Variants in ARIH2 observed in about 807,000 individuals in gnomAD.
The protein encoded by ARIH2 is ariadne RBR E3 ubiquitin protein ligase 2.
In ARIH2, 12 loss-of-function variants were observed where a neutral mutation model predicts 79.8. The ratio of observed to expected loss-of-function variants is 0.15; its 90% CI spans 0.10 to 0.24. The LOEUF (loss-of-function observed/expected upper bound fraction) is 0.24. ARIH2 is among the 10% of genes least tolerant of loss of function. ARIH2 has a pLI of 1.00. For synonymous variants in ARIH2, 224 were observed against 213.9 expected, an observed-to-expected ratio of 1.05 and a Z score of -0.41; for missense variants, 301 against 618.3, an observed-to-expected ratio of 0.49 and a Z score of 5.44.
intron 3 of ARIH2, among the ~76,000 whole-genome samples, chr3:48,956,162 G>A (rs1388220405): frequency 6.7e-6 from 1 of 149,544 alleles, no homozygotes; most frequent in African/African-American, 2.5e-5. Flanking sequence ...TTTTTGAGAC[G>A]GAGTCTCACT....
At chr3:48,957,947 C>G (rs888916647) in intron 3 of ARIH2, among the ~76,000 whole-genome samples, 13 of 152,154 alleles carry the variant, frequency 8.5e-5, no homozygotes, top group Non-Finnish European at 1.8e-4. Flanking sequence ...ATCTCCTGGT[C>G]TTGTGATCCA....
chr3:48,934,384 ATTTT>A, intron 3 of ARIH2: 1 of 965,288 alleles, frequency 1.0e-6, no homozygotes, highest in South Asian at 4.8e-5. Context: ...AGATCATTCT[ATTTT>A]TATTTACTTA....
chr3:48,952,791 C>T (rs1343880213), intron 3 of ARIH2, among the ~76,000 whole-genome samples: 1 of 152,020 alleles, frequency 6.6e-6, no homozygotes, highest in Non-Finnish European at 1.5e-5. Context: ...AAGAGGGGGT[C>T]ATTAAGGCAG....
rs1242750147 is a variant in ARIH2 at position 48,920,492 on chromosome 3, CTTTT to C, written c.-162+1510_-162+1513del. Among the ~76,000 whole-genome samples, 3 of 40,984 alleles carry C rather than the reference CTTTT, an allele frequency of 7.3e-5. 1 individual carries two copies. Among genetic ancestry groups the C allele is most frequent in the Non-Finnish European group, 4.3e-5 (1 of 23,176 alleles). The allele number at this position is 40,984 out of a possible 152,430, so 26.9% of individuals were successfully genotyped here. A position where few individuals can be genotyped will look rare whatever the true frequency, so the allele number is the denominator to read the frequency against. ...TTGGTGAGAAGCCTGTGAGCAATTTCTTTTTTTTTTTTTTTTTTTGACACGGAGT... is the reference window on the plus strand; with the variant it reads ...TTGGTGAGAAGCCTGTGAGCAATTTCTTTTTTTTTTTTTTTGACACGGAGT... On this transcript the variant is annotated intron_variant, in intron 1 of 15. Transcript: ENST00000356401.
At chr3:48,933,235 GGTGTGTGTGT>G (rs57911300) in intron 3 of ARIH2, among the ~76,000 whole-genome samples, 1,666 of 134,380 alleles carry the variant, frequency 0.012, 20 homozygotes, top group African/African-American at 0.027. Context: ...CACATGCCCG[GGTGTGTGTGT>G]GTGTGTGTGT....
At chr3:48,970,903 C>G (rs1378192582) in intron 8 of ARIH2, 199 bp downstream of exon 8, 2 of 482,554 alleles carry the variant, frequency 4.1e-6, no homozygotes, top group Non-Finnish European at 7.6e-6. Context: ...AGTCTGGAGG[C>G]AAGGAAGTGA....
At chr3:48,963,233 C>CCTTATTATTA in intron 4 of ARIH2, among the ~76,000 whole-genome samples, 1 of 152,312 alleles carries the variant, frequency 6.6e-6, no homozygotes, top group African/African-American at 2.4e-5. Flanking sequence ...TGCAGATGAA[C>CCTTATTATTA]TGCTGCTGCC....
At position 48,920,332 on chromosome 3, in the gene ARIH2, T is replaced by A. The variant is rs1042033972; in HGVS notation, c.-162+1334T>A. The stretch of plus-strand genomic sequence containing the variant: ...GCCCGGCCCACTTTTTCAAGTAGAA[T>A]TCGGATATTTAACTTTGAGATGATT... On this transcript the variant is annotated intron_variant, in intron 1 of 15. Coordinates refer to ENST00000356401, the MANE Select transcript of ARIH2 (RefSeq NM_006321.4). 3.2e-4 allele frequency among the ~76,000 whole-genome samples: 48 copies of A among 151,346 alleles called. 1 individual carries two copies.
intron 3 of ARIH2, among the ~76,000 whole-genome samples, chr3:48,958,366 G>A (rs1011135687): frequency 3.3e-5 from 5 of 152,256 alleles, no homozygotes; most frequent in Middle Eastern, 3.4e-3. Context: ...TAGTAGGATC[G>A]TGTCTGTGAA....
intron 2 of ARIH2, among the ~76,000 whole-genome samples, chr3:48,926,176 G>A (rs922359889): frequency 2.6e-5 from 4 of 151,944 alleles, no homozygotes; most frequent in Non-Finnish European, 5.9e-5. Context: ...TTCTCTTTTC[G>A]TTTATATGTA....
At chr3:48,932,408 C>T (rs1305548886) in intron 3 of ARIH2, among the ~76,000 whole-genome samples, 1 of 152,104 alleles carries the variant, frequency 6.6e-6, no homozygotes, top group Non-Finnish European at 1.5e-5. Context: ...AACAAAGTTA[C>T]CTTTTTCTAC....
rs1481281230 is a variant in ARIH2, at chr3:48,975,162, TTATAATCCCACTGC to T, written c.961+187_961+200del. 63 of 954,160 alleles carry T rather than the reference TTATAATCCCACTGC, an allele frequency of 6.6e-5. No individual in the cohort carries two copies. In the African/African-American group the frequency reaches 9.9e-4, roughly 15 times the overall value. 59.1% of individuals were successfully genotyped at this position (954,160 alleles called of 1,614,324 possible). On this transcript the variant is annotated intron_variant, in intron 11 of 15. Transcript: ENST00000356401. ...TTTATTTTCTGTTTTTTGGTCCCTC[TTATAATCCCACTGC>T]TATCTTGCTAACACATATAGTCAGA...
At chr3:48,929,772 A>G (rs1475250193) in intron 3 of ARIH2, among the ~76,000 whole-genome samples, 3 of 152,152 alleles carry the variant, frequency 2.0e-5, no homozygotes, top group Non-Finnish European at 4.4e-5. Context: ...TTGCTTGGAT[A>G]CTTGTGGATT....
intron 3 of ARIH2, among the ~76,000 whole-genome samples, chr3:48,946,868 C>CTTCA (rs1282144411): frequency 6.6e-6 from 1 of 152,106 alleles, no homozygotes; most frequent in African/African-American, 2.4e-5. Flanking sequence ...TGAGGGTACC[C>CTTCA]TTCACTCTTC....
chr3:48,940,639 AC>A (rs1260923543), intron 3 of ARIH2, among the ~76,000 whole-genome samples: 2 of 151,562 alleles, frequency 1.3e-5, no homozygotes, highest in African/African-American at 4.9e-5. Context: ...TACTAAAAAT[AC>A]AAAAATTAGT....
intron 4 of ARIH2, among the ~76,000 whole-genome samples, chr3:48,962,854 G>A (rs1019489133): frequency 1.6e-4 from 24 of 151,842 alleles, no homozygotes. Flanking sequence ...TTCCTTTCTC[G>A]TATGGTATGT....
At chr3:48,941,374 G>A (rs1385352905) in intron 3 of ARIH2, among the ~76,000 whole-genome samples, 1 of 152,080 alleles carries the variant, frequency 6.6e-6, no homozygotes, top group African/African-American at 2.4e-5. Flanking sequence ...GTGGGAGATA[G>A]GGAGCAATTT....
At chr3:48,965,806 C>G (rs2091740041) in intron 5 of ARIH2, among the ~76,000 whole-genome samples, 1 of 151,984 alleles carries the variant, frequency 6.6e-6, no homozygotes, top group Non-Finnish European at 1.5e-5. Context: ...ACTAAAAATA[C>G]AAAAATTAGC....
intron 3 of ARIH2, among the ~76,000 whole-genome samples, chr3:48,943,980 A>T (rs1019050943): frequency 6.6e-6 from 1 of 152,186 alleles, no homozygotes; most frequent in South Asian, 2.1e-4. Context: ...TGTGCAGTTC[A>T]TTTGATGTCA....
Sources: allele counts gnomAD v4.1 joint callset (sites outside exome capture counted in the v4.1 genomes callset), GRCh38; gene constraint gnomAD v4.1.1; transcripts MANE v1.5; gene names NCBI Gene and HGNC (gene_info 2026-07-23, HGNC 2026-07-21).